GMPPA: variants seen among roughly 807,000 people sequenced by gnomAD.
The protein encoded by GMPPA is mannose-1-phosphate guanylyltransferase regulatory subunit alpha.
GMPPA carries 46 observed loss-of-function variants against 58.6 expected under a neutral mutation model. The observed-to-expected ratio is 0.78, with a 90% CI of 0.62 to 1.00. GMPPA has a LOEUF of 1.00. Ranked by LOEUF, GMPPA falls within the 50% of genes least tolerant of loss-of-function variation. The pLI is 0.00. For synonymous variants in GMPPA, 211 were observed against 214.9 expected (o/e 0.98, Z 0.16); for missense variants, 468 against 556.4 (o/e 0.84, Z 1.60).
Position 219,506,042 on chromosome 2 carries a change from G to A in GMPPA, c.963G>A (p.Glu321=). The part of the protein sequence containing the change: ...VTVGEGVRLR[E]SIVLHGATLQ... ...TGGGTGAGGGTGTGCGGCTCCGGGA[G>A]AGCATCGTCCTCCATGGAGCCACTT... The change falls in exon 11 of 13, where the codon GAG becomes GAA. Residue 321 remains glutamate, a synonymous_variant. Transcript: ENST00000313597. 1 of 1,595,016 alleles carries A rather than the reference G, an allele frequency of 6.3e-7. No homozygotes were observed. Among genetic ancestry groups the A allele is most frequent in the Non-Finnish European group, 8.6e-7 (1 of 1,168,208 alleles).
Position 219,505,181 on chromosome 2 carries a change from C to A in GMPPA, c.621-47C>A. The A allele has an allele frequency of 2.5e-6, 4 of 1,595,556 alleles. No homozygotes were observed. The South Asian group carries it at 4.4e-5, about 18-fold the overall frequency. On this transcript the variant is annotated intron_variant, in intron 7 of 12. Transcript: ENST00000313597. ...TGGGAGACTGTGTTAGCCCCACAGT[C>A]GGGGCTCAGCTGGGGGACTAATGTC... is the stretch of plus-strand genomic sequence containing the variant.
chr2:219,501,837 G>T lies in GMPPA; in HGVS notation c.243-14G>T. On this transcript the variant is annotated splice_polypyrimidine_tract_variant and intron_variant, in intron 4 of 12. Coordinates refer to ENST00000313597, the MANE Select transcript of GMPPA (RefSeq NM_013335.4). ...TAAGATCCACTGAGCTGGCTCTCGG[G>T]TCCCTGGGGACAGGTACCTGCAGGA... The T allele has an allele frequency of 6.2e-7, 1 of 1,612,884 alleles. No homozygotes were observed. Among genetic ancestry groups the T allele is most frequent in the Non-Finnish European group, 8.5e-7 (1 of 1,179,016 alleles).
In GMPPA at chr2:219,501,462, T is replaced by A; in HGVS notation, c.139-14T>A. On this transcript the variant is annotated splice_polypyrimidine_tract_variant and intron_variant, in intron 3 of 12. Coordinates refer to ENST00000313597, the MANE Select transcript of GMPPA (RefSeq NM_013335.4). ...TTAGATATTCTTCATCCCAGCCTCT[T>A]CCCTTGTCCTCAGGTCCCTGGAATG... The A allele has an allele frequency of 7.0e-7, 1 of 1,435,676 alleles. No individual in the cohort carries two copies. Among genetic ancestry groups the A allele is most frequent in the Non-Finnish European group, 9.8e-7 (1 of 1,017,246 alleles). 88.9% of individuals were successfully genotyped at this position (1,435,676 alleles called of 1,614,324 possible). A position where few individuals can be genotyped will look rare whatever the true frequency, so the allele number is the denominator to read the frequency against.
chr2:219,506,668 C>T (rs955126392), intron 12 of GMPPA, 30 bp from the exon 13 acceptor site: 4 of 1,323,506 alleles, frequency 3.0e-6, no homozygotes, highest in Admixed American at 3.4e-5. Context: ...CCTCCCATGA[C>T]CTCCCCTGGT....
chr2:219,505,461 A>G lies in GMPPA; in HGVS notation c.759A>G (p.Ser253=). Residue 253 remains serine, a synonymous_variant, in exon 9 of 13, where the codon TCA becomes TCG. Coordinates refer to ENST00000313597, the MANE Select transcript of GMPPA (RefSeq NM_013335.4). The stretch of plus-strand genomic sequence containing the variant: ...CTGTCCCCCTTGCGGTCCCCAGTTC[A>G]GCCCTCTACGCCTCCCGCCTCTACC... ...GIWSQIKSAG[S]ALYASRLYLS... is the part of the protein sequence containing the mutation. The G allele has an allele frequency of 6.4e-7, 1 of 1,574,180 alleles. No homozygotes were observed. Among genetic ancestry groups the G allele is most frequent in the Non-Finnish European group, 8.6e-7 (1 of 1,158,588 alleles).
At chr2:219,503,486 A>G (rs189430618) in intron 6 of GMPPA, among the ~76,000 whole-genome samples, 1 of 152,322 alleles carries the variant, frequency 6.6e-6, no homozygotes, top group African/African-American at 2.4e-5. Flanking sequence ...AAACACGCAC[A>G]CACACATGCA....
At position 219,501,872 on chromosome 2, in the gene GMPPA, C is replaced by T; in HGVS notation, c.264C>T (p.Pro88=). Residue 88 remains proline (P), a synonymous_variant, in exon 5 of 13, where the codon CCC becomes CCT. Coordinates refer to ENST00000313597, the MANE Select transcript of GMPPA (RefSeq NM_013335.4). ...LPVRYLQEFA[P]LGTGGGLYHF... ...ACAGGTACCTGCAGGAATTTGCCCC[C>T]CTAGGCACAGGGGGTGGTCTTTACC... 6.2e-7 allele frequency: 1 copy of T among 1,614,142 alleles called. No homozygotes were observed. The highest frequency in any genetic ancestry group is 1.1e-5 in the South Asian group (1 of 91,088).
Position 219,506,799 on chromosome 2 carries a change from GT to G in GMPPA, c.*2del. 6.9e-7 allele frequency: 1 copy of G among 1,455,202 alleles called. No individual in the cohort carries two copies. The allele number at this position is 1,455,202 out of a possible 1,614,324, so 90.1% of individuals were successfully genotyped here. ...CTTCACCAACCAGATCATCCTCTGA[GT>G]AGGGCTGCCAGAAGGCCCCCAGCTC... is the stretch of plus-strand genomic sequence containing the variant. On this transcript the variant is annotated 3_prime_UTR_variant, in exon 13 of 13. Transcript: ENST00000313597.
chr2:219,500,093 C>T lies in GMPPA; in HGVS notation c.41-28C>T, dbSNP rs146471448. 16 of 1,599,620 alleles carry T rather than the reference C, an allele frequency of 1.0e-5. No homozygotes were observed. The African/African-American group carries it at 1.1e-4, about 11-fold the overall frequency. On this transcript the variant is annotated intron_variant, in intron 2 of 12. Transcript: ENST00000313597. ...ATGGGGGCAGAGGAAGGCAGGAGGC[C>T]GAAATGTTCTCCTCTCTCCTCTCCC...
chr2:219,499,801 T>A, intron 1 of GMPPA, 155 bp from the exon 2 acceptor site: 1 of 665,208 alleles, frequency 1.5e-6, no homozygotes, highest in South Asian at 1.8e-5. Flanking sequence ...TGCTGGGATT[T>A]GAGATGTGTG....
At chr2:219,499,550 C>A (rs1196508346) in intron 1 of GMPPA, among the ~76,000 whole-genome samples, 1 of 152,078 alleles carries the variant, frequency 6.6e-6, no homozygotes, top group Non-Finnish European at 1.5e-5. Context: ...TTGTTCATGG[C>A]CAGAGGGAAG....
At chr2:219,505,417 C>T (rs1455968354) in intron 8 of GMPPA, 41 bp from the exon 9 acceptor site, 1 of 1,604,494 alleles carries the variant, frequency 6.2e-7, no homozygotes, top group South Asian at 1.1e-5. Context: ...GGGCACAGGC[C>T]CTGCTGACCC....
Position 219,506,044 on chromosome 2 carries a change from G to A in GMPPA, c.965G>A (p.Ser322Asn). 1.3e-6 allele frequency: 2 copies of A among 1,593,286 alleles called. No homozygotes were observed. The highest frequency in any genetic ancestry group is 1.7e-6 in the Non-Finnish European group (2 of 1,166,798). The change falls in exon 11 of 13, where the codon AGC becomes AAC. Residue 322 changes from serine to asparagine, a missense_variant. Coordinates refer to ENST00000313597, the MANE Select transcript of GMPPA (RefSeq NM_013335.4). ...TVGEGVRLRE[S>N]IVLHGATLQE... The stretch of plus-strand genomic sequence containing the variant: ...GGTGAGGGTGTGCGGCTCCGGGAGA[G>A]CATCGTCCTCCATGGAGCCACTTTG...
rs956606241 is a variant in GMPPA at position 219,506,879 on chromosome 2, G to A, written c.*81G>A. ...GCTTGGCCAGCCTCTGTCCAGAAAG[G>A]ACCAGAGAAAGCCAGGCTGGATCGT... On this transcript the variant is annotated 3_prime_UTR_variant, in exon 13 of 13. Coordinates refer to ENST00000313597, the MANE Select transcript of GMPPA (RefSeq NM_013335.4). 1 of 748,886 alleles carries A rather than the reference G, an allele frequency of 1.3e-6. No homozygotes were observed. The highest frequency in any genetic ancestry group is 2.4e-6 in the Non-Finnish European group (1 of 413,638). 46.4% of individuals were successfully genotyped at this position (748,886 alleles called of 1,614,324 possible).
Position 219,504,205 on chromosome 2 carries a change from T to G in GMPPA, c.612T>G (p.Asp204Glu), listed in dbSNP as rs1215565968. 1 of 1,614,070 alleles carries G rather than the reference T, an allele frequency of 6.2e-7. No homozygotes were observed. The highest frequency in any genetic ancestry group is 2.2e-5 in the East Asian group (1 of 44,872). ...ATGTCTTCCAGCGTAATCAGCAGGA[T>G]GGGCAATTGTGAGGCAGGCCCCATA... ...LRDVFQRNQQ[D>E]GQLEDSPGLW... is the part of the protein sequence containing the mutation. Residue 204 changes from aspartate to glutamate, a missense_variant, in exon 7 of 13, where the codon GAT becomes GAG. Coordinates refer to ENST00000313597, the MANE Select transcript of GMPPA (RefSeq NM_013335.4).
rs1042806827 is a variant in GMPPA, at chr2:219,502,358, G to A, written c.430-24G>A. ...GCTGCCCTGGAGCAGGCGGGTCACT[G>A]TCTCGGGTGTGTCTGTCTTTCAGGC... On this transcript the variant is annotated intron_variant, in intron 5 of 12. Transcript: ENST00000313597. This position sits in a 1 kb window ranked among gnomAD's most constrained non-coding sequence, Gnocchi z 4.0. 5 of 1,610,882 alleles carry A rather than the reference G, an allele frequency of 3.1e-6. No homozygotes were observed. The East Asian group carries it at 8.9e-5, about 29-fold the overall frequency.
At position 219,501,545 on chromosome 2, in the gene GMPPA, GA is replaced by G. The variant is rs886037654; in HGVS notation, c.210del (p.Ala71ProfsTer19). ...QPDEPLTQFL[E>X]AAQQEFNLPV... ...TGATGAGCCCCTCACCCAGTTCCTA[GA>G]AGCCGCCCAGCAGGAGTTTAACCTT... On this transcript the variant is annotated frameshift_variant, in exon 4 of 13. Transcript: ENST00000313597. LOFTEE classifies it high-confidence loss of function. 1 of 1,612,764 alleles carries G rather than the reference GA, an allele frequency of 6.2e-7. No homozygotes were observed. Among genetic ancestry groups the G allele is most frequent in the African/African-American group, 1.3e-5 (1 of 75,006 alleles).
chr2:219,501,609 G>A, intron 4 of GMPPA, 30 bp downstream of exon 4: 1 of 1,362,086 alleles, frequency 7.3e-7, no homozygotes. Context: ...TATATGGGGG[G>A]GTGGGGATGC....
chr2:219,504,192 G>T lies in GMPPA; in HGVS notation c.599G>T (p.Arg200Leu). ...ALKPLRDVFQRNQQDGQLEDS... is the reference protein window; with the variant it reads ...ALKPLRDVFQLNQQDGQLEDS... ...AAGCCTCTTCGGGATGTCTTCCAGC[G>T]TAATCAGCAGGATGGGCAATTGTGA... Residue 200 changes from arginine to leucine, a missense_variant, in exon 7 of 13, where the codon CGT becomes CTT. Arg to Leu is a moderately radical substitution (Grantham distance 102). Transcript: ENST00000313597. 1 of 1,613,942 alleles carries T rather than the reference G, an allele frequency of 6.2e-7. No individual in the cohort carries two copies. The highest frequency in any genetic ancestry group is 8.5e-7 in the Non-Finnish European group (1 of 1,179,884).
Sources: gnomAD v4.1 joint callset for allele counts (sites outside exome capture counted in the v4.1 genomes callset) on GRCh38, gnomAD v4.1.1 for gene constraint, Gnocchi (gnomAD v3.1) non-coding constraint, MANE v1.5 for transcripts, NCBI Gene and HGNC (gene_info 2026-07-23, HGNC 2026-07-21) for gene names.